The following FMN1 variants were observed in gnomAD, a reference collection of about 807,000 sequenced individuals.
FMN1 encodes the protein formin-1.
FMN1 carries 110 observed loss-of-function variants against 132.4 expected under a neutral mutation model. The observed-to-expected ratio is 0.83, with a 90% CI of 0.71 to 0.97. FMN1 has a LOEUF of 0.97. Among genes scored for constraint, FMN1 ranks in the 50% least tolerant of loss-of-function variants. The pLI is 0.00. For missense variants in FMN1, 1,792 were observed against 1,705.3 expected (o/e 1.05, Z -0.90); for synonymous variants, 722 against 651.7 (o/e 1.11, Z -1.64).
At position 32,769,629 on chromosome 15, in the gene FMN1, G is replaced by T. The variant is rs1254032934; in HGVS notation, c.*4681C>A. On this transcript the variant is annotated 3_prime_UTR_variant, in exon 21 of 21. Coordinates refer to ENST00000616417, the MANE Select transcript of FMN1 (RefSeq NM_001277313.2). ...ATAACAGTTTCCAGGCAGCTGGATT[G>T]TTTCTCTCTATAGCTGGAAAATGGA... 6.6e-6 allele frequency: 1 copy of T among 151,530 alleles called. No individual in the cohort carries two copies. Among genetic ancestry groups the T allele is most frequent in the Admixed American group, 6.6e-5 (1 of 15,132 alleles). The allele number at this position is 151,530 out of a possible 1,614,324, so 9.4% of individuals were successfully genotyped here. A position where few individuals can be genotyped will look rare whatever the true frequency, so the allele number is the denominator to read the frequency against.
At chr15:33,041,492 A>C in intron 6 of FMN1, among the ~76,000 whole-genome samples, 1 of 148,004 alleles carries the variant, frequency 6.8e-6, no homozygotes, top group African/African-American at 2.5e-5. Flanking sequence ...AAAAGACTGG[A>C]AAAAAATAGT....
chr15:32,860,975 G>T (rs2059255058), intron 16 of FMN1: 1 of 152,160 alleles, frequency 6.6e-6, no homozygotes, highest in Non-Finnish European at 1.5e-5. Context: ...TAAGGAATCA[G>T]CATTTCTCAA....
chr15:32,926,464 A>C (rs1007898589), intron 9 of FMN1, among the ~76,000 whole-genome samples: 3 of 152,226 alleles, frequency 2.0e-5, no homozygotes, highest in African/African-American at 7.2e-5. Context: ...ACGTTTTACA[A>C]AACAAACACA....
Position 32,969,252 on chromosome 15 carries a change from C to T in FMN1, c.2449G>A (p.Glu817Lys). 6.2e-7 allele frequency: 1 copy of T among 1,613,920 alleles called. No individual in the cohort carries two copies. The highest frequency in any genetic ancestry group is 8.5e-7 in the Non-Finnish European group (1 of 1,179,900). ...CTTCTGGTTGTCTTGCTTTCACTTTCACAGGGCTTGAGGAAGGTCTCTCTG... is the reference window on the plus strand; with the variant it reads ...CTTCTGGTTGTCTTGCTTTCACTTTTACAGGGCTTGAGGAAGGTCTCTCTG... ...TDRETFLKPC[E>K]SESKTTRSNQ... Residue 817 changes from glutamate (E) to lysine (K), a missense_variant, in exon 8 of 21, where the codon GAA becomes AAA. Around this residue, in one of 3 missense-constraint regions of FMN1, gnomAD observed 1,150 missense variants for 1,043.1 expected, o/e 1.10. Transcript: ENST00000616417.
intron 6 of FMN1, among the ~76,000 whole-genome samples, chr15:33,018,745 T>A (rs1250285032): frequency 6.6e-6 from 1 of 152,202 alleles, no homozygotes; most frequent in East Asian, 1.9e-4. Flanking sequence ...CCGGAGTTTG[T>A]TCCCTCTGAT....
At chr15:33,005,198 TA>T (rs397800658) in intron 7 of FMN1, among the ~76,000 whole-genome samples, 2,756 of 143,860 alleles carry the variant, frequency 0.019, 68 homozygotes, top group African/African-American at 0.058. Context: ...ATAATAATAT[TA>T]AAAAAAAAAA....
intron 4 of FMN1, among the ~76,000 whole-genome samples, chr15:33,118,457 G>C (rs1346861455): frequency 6.6e-6 from 1 of 152,080 alleles, no homozygotes; most frequent in Non-Finnish European, 1.5e-5. Flanking sequence ...AAATAGGAAA[G>C]TAAAAAATGT....
intron 6 of FMN1, among the ~76,000 whole-genome samples, chr15:33,041,957 G>T (rs536976533): frequency 6.6e-6 from 1 of 151,886 alleles, no homozygotes; most frequent in East Asian, 1.9e-4. Flanking sequence ...AAATCATTAA[G>T]ATAGTAAACT....
At chr15:32,816,493 T>C (rs944076925) in intron 17 of FMN1, among the ~76,000 whole-genome samples, 71 of 152,194 alleles carry the variant, frequency 4.7e-4, no homozygotes, top group African/African-American at 1.6e-3. Context: ...TTAGTTGCTT[T>C]TTGAAGAAAG....
chr15:32,816,380 C>A (rs2058059908), intron 17 of FMN1, among the ~76,000 whole-genome samples: 1 of 152,146 alleles, frequency 6.6e-6, no homozygotes. Context: ...ATATAGTTAT[C>A]AAAATATTGA....
In FMN1 at chr15:32,772,145, T is replaced by A. The variant is rs1351294341; in HGVS notation, c.*2165A>T. ...TGAAATCCAAAGTGGGCTGTATTTG[T>A]CTAACTCTCAAATTAAGTGTTCTCA... On this transcript the variant is annotated 3_prime_UTR_variant, in exon 21 of 21. Transcript: ENST00000616417. 1 of 152,242 alleles carries A rather than the reference T, an allele frequency of 6.6e-6. No homozygotes were observed. The highest frequency in any genetic ancestry group is 2.4e-5 in the African/African-American group (1 of 41,464). 9.4% of individuals were successfully genotyped at this position (152,242 alleles called of 1,614,324 possible). A position where few individuals can be genotyped will look rare whatever the true frequency, so the allele number is the denominator to read the frequency against.
At chr15:32,937,151 A>G (rs1429210093) in intron 9 of FMN1, among the ~76,000 whole-genome samples, 1 of 152,146 alleles carries the variant, frequency 6.6e-6, no homozygotes, top group Non-Finnish European at 1.5e-5. Flanking sequence ...CTGAATGCAT[A>G]CTAATTCATA....
intron 4 of FMN1, chr15:33,150,358 A>G (rs2140274958): frequency 2.0e-6 from 2 of 985,454 alleles, no homozygotes; most frequent in Non-Finnish European, 2.4e-6. Context: ...CAAATAAAAT[A>G]CTATAAAACC....
At chr15:32,941,624 A>G (rs530541322) in intron 9 of FMN1, among the ~76,000 whole-genome samples, 1 of 152,280 alleles carries the variant, frequency 6.6e-6, no homozygotes, top group South Asian at 2.1e-4. Flanking sequence ...TCATATGCAT[A>G]TTACCTGATG....
chr15:33,005,121 A>G (rs1318806659), intron 7 of FMN1, among the ~76,000 whole-genome samples: 1 of 152,020 alleles, frequency 6.6e-6, no homozygotes, highest in Non-Finnish European at 1.5e-5. Context: ...GCACAACAAC[A>G]TGGCACATGT....
chr15:32,924,369 C>T (rs557470243), intron 10 of FMN1, among the ~76,000 whole-genome samples: 47 of 152,206 alleles, frequency 3.1e-4, no homozygotes, highest in Non-Finnish European at 4.1e-4. Flanking sequence ...TGTAATGTAG[C>T]GAAATTTTAA....
chr15:33,144,101 T>G (rs1400553323), intron 4 of FMN1, among the ~76,000 whole-genome samples: 1 of 152,220 alleles, frequency 6.6e-6, no homozygotes, highest in African/African-American at 2.4e-5. Context: ...AAAGGGGACC[T>G]TTGTTTTTCT....
intron 4 of FMN1, among the ~76,000 whole-genome samples, chr15:33,100,445 A>G (rs1030510706): frequency 1.9e-4 from 29 of 152,114 alleles, no homozygotes; most frequent in African/African-American, 7.0e-4. Context: ...GTTGACACCT[A>G]TGCCCGAAGG....
chr15:33,041,403 AAAAG>A (rs2036429278), intron 6 of FMN1, among the ~76,000 whole-genome samples: 1 of 150,300 alleles, frequency 6.7e-6, no homozygotes. Flanking sequence ...AAAAAAAAAA[AAAAG>A]ACTGGAAAAA....
Sources: allele counts gnomAD v4.1 joint callset (sites outside exome capture counted in the v4.1 genomes callset), GRCh38; gene constraint gnomAD v4.1.1; regional missense constraint gnomAD v4.1.1; transcripts MANE v1.5; gene names NCBI Gene and HGNC (gene_info 2026-07-23, HGNC 2026-07-21).